Variants in CYB5R4 observed in about 807,000 individuals in gnomAD.
CYB5R4 encodes cytochrome b5 reductase 4.
In CYB5R4, 55 loss-of-function variants were observed where a neutral mutation model predicts 70.2. The observed-to-expected ratio is 0.78, with a 90% CI of 0.63 to 0.98. CYB5R4 has a LOEUF of 0.98. Ranked by LOEUF, CYB5R4 falls within the 50% of genes least tolerant of loss-of-function variation. The probability of loss-of-function intolerance (pLI) is 0.00; values close to 1 mark genes in which losing one functional copy is unlikely to be tolerated. For synonymous variants in CYB5R4, 197 were observed against 199.5 expected, an observed-to-expected ratio of 0.99 and a Z score of 0.11; for missense variants, 562 against 612.6, an observed-to-expected ratio of 0.92 and a Z score of 0.87.
At chr6:83,956,243 ACATGTGCCCAAGGTGGTCGGGG>A (rs1304340650) in intron 15 of CYB5R4, among the ~76,000 whole-genome samples, 1 of 152,164 alleles carries the variant, frequency 6.6e-6, no homozygotes, top group East Asian at 1.9e-4. Context: ...GGTCCTGAGA[ACATGTGCCCAAGGTGGTCGGGG>A]CATAGCTTGG....
intron 2 of CYB5R4, among the ~76,000 whole-genome samples, chr6:83,884,931 A>G (rs2099460013): frequency 6.6e-6 from 1 of 152,142 alleles, no homozygotes; most frequent in Non-Finnish European, 1.5e-5. Context: ...TAATCTTATC[A>G]CGGAAATAAC....
At chr6:83,893,462 T>C in intron 2 of CYB5R4, 60 bp from the exon 3 acceptor site, 1 of 960,368 alleles carries the variant, frequency 1.0e-6, no homozygotes, top group East Asian at 2.5e-5. Context: ...CTTATATTTA[T>C]AAGTTTTACA....
chr6:83,879,159 C>T (rs943251519), intron 2 of CYB5R4, among the ~76,000 whole-genome samples: 6 of 151,496 alleles, frequency 4.0e-5, no homozygotes, highest in Non-Finnish European at 8.8e-5. Context: ...GGGCAGATAA[C>T]TCCTGCATCG....
chr6:83,947,940 A>T (rs1356903599), intron 14 of CYB5R4, among the ~76,000 whole-genome samples: 4 of 152,236 alleles, frequency 2.6e-5, no homozygotes, highest in Non-Finnish European at 5.9e-5. Flanking sequence ...AATTAGTTCA[A>T]CCCTTGTGGA....
At chr6:83,906,203 C>T (rs1280195043) in intron 3 of CYB5R4, among the ~76,000 whole-genome samples, 1 of 152,152 alleles carries the variant, frequency 6.6e-6, no homozygotes, top group Non-Finnish European at 1.5e-5. Flanking sequence ...ATGAACGTAC[C>T]AGCTGTTCTT....
At chr6:83,920,607 A>C (rs927125786) in intron 7 of CYB5R4, among the ~76,000 whole-genome samples, 2 of 152,066 alleles carry the variant, frequency 1.3e-5, no homozygotes, top group Non-Finnish European at 2.9e-5. Flanking sequence ...ACATCTAAAA[A>C]TATGTTAGTG....
intron 3 of CYB5R4, among the ~76,000 whole-genome samples, chr6:83,900,646 T>C (rs1182080135): frequency 1.3e-5 from 2 of 152,222 alleles, no homozygotes; most frequent in Non-Finnish European, 2.9e-5. Context: ...TGAATCTGGG[T>C]GCTCCTGTAT....
In CYB5R4 at chr6:83,935,516, A is replaced by C. The variant is rs1006793079; in HGVS notation, c.956-708A>C. On this transcript the variant is annotated intron_variant, in intron 11 of 15. Coordinates refer to ENST00000369681, the MANE Select transcript of CYB5R4 (RefSeq NM_016230.4). ...TCTCCAGTTATTGCCAATGCATTTT[A>C]ATTTATATATGTATTTTGTATACAT... Among the ~76,000 whole-genome samples the C allele has an allele frequency of 3.3e-5, 5 of 152,138 alleles. No homozygotes were observed. The South Asian group carries it at 8.3e-4, about 25-fold the overall frequency.
chr6:83,929,862 T>TA (rs545931483), intron 10 of CYB5R4, among the ~76,000 whole-genome samples: 9 of 150,132 alleles, frequency 6.0e-5, no homozygotes, highest in African/African-American at 1.5e-4. Context: ...AAACAAGATT[T>TA]AAAAAAAAAA....
intron 1 of CYB5R4, among the ~76,000 whole-genome samples, chr6:83,860,188 C>T (rs1391602750): frequency 6.6e-6 from 1 of 152,106 alleles, no homozygotes; most frequent in African/African-American, 2.4e-5. Context: ...TATTAGCCGC[C>T]TTCCCTCAAC....
At chr6:83,918,347 A>G (rs1562838915) in intron 6 of CYB5R4, among the ~76,000 whole-genome samples, 1 of 152,096 alleles carries the variant, frequency 6.6e-6, no homozygotes, top group African/African-American at 2.4e-5. Context: ...CATTAATGGT[A>G]GAAAACTTAG....
Position 83,936,273 on chromosome 6 carries a change from A to G in CYB5R4, c.1005A>G (p.Ser335=). 6.2e-7 allele frequency: 1 copy of G among 1,610,518 alleles called. No homozygotes were observed. Among genetic ancestry groups the G allele is most frequent in the South Asian group, 1.1e-5 (1 of 90,740 alleles). The part of the protein sequence containing the change: ...PYTPVSGSLL[S]EFKEPVLPNN... ...CACCTGTATCTGGTTCCTTACTCTC[A>G]GAGTTCAAGGAACCAGTTCTTCCCA... Residue 335 remains serine, a synonymous_variant, in exon 12 of 16, where the codon TCA becomes TCG. Coordinates refer to ENST00000369681, the MANE Select transcript of CYB5R4 (RefSeq NM_016230.4).
chr6:83,912,486 A>G (rs1447610073), intron 4 of CYB5R4, among the ~76,000 whole-genome samples: 1 of 152,216 alleles, frequency 6.6e-6, no homozygotes, highest in Non-Finnish European at 1.5e-5. Context: ...TTGGGTCATA[A>G]TTAAAGATCC....
At chr6:83,932,162 A>C (rs1443656255) in intron 10 of CYB5R4, among the ~76,000 whole-genome samples, 1 of 152,144 alleles carries the variant, frequency 6.6e-6, no homozygotes, top group East Asian at 1.9e-4. Context: ...ATGCAATTGA[A>C]AGATGAAAAC....
intron 5 of CYB5R4, among the ~76,000 whole-genome samples, chr6:83,915,106 C>G (rs3778189): frequency 0.086 from 13,103 of 152,084 alleles, 936 homozygotes; most frequent in East Asian, 0.26. Context: ...GTTTATTAAT[C>G]TACAATTTTT....
At chr6:83,885,041 ATTGATATTTATCTT>A (rs2099460040) in intron 2 of CYB5R4, among the ~76,000 whole-genome samples, 1 of 152,176 alleles carries the variant, frequency 6.6e-6, no homozygotes, top group Non-Finnish European at 1.5e-5. Context: ...GGACATATCT[ATTGATATTTATCTT>A]TCAAAAATTA....
chr6:83,928,983 C>T (rs2099467742), intron 10 of CYB5R4, among the ~76,000 whole-genome samples: 1 of 152,008 alleles, frequency 6.6e-6, no homozygotes, highest in Admixed American at 6.6e-5. Flanking sequence ...TCCTGAAACA[C>T]CATTAAAAAA....
At chr6:83,889,048 A>G (rs1352904696) in intron 2 of CYB5R4, among the ~76,000 whole-genome samples, 1 of 152,218 alleles carries the variant, frequency 6.6e-6, no homozygotes, top group African/African-American at 2.4e-5. Flanking sequence ...GAAGGCTGAG[A>G]GAGGTGAGGA....
At chr6:83,872,094 G>A (rs1411215479) in intron 2 of CYB5R4, among the ~76,000 whole-genome samples, 4 of 152,094 alleles carry the variant, frequency 2.6e-5, no homozygotes, top group Non-Finnish European at 4.4e-5. Context: ...ATAGTCTGCA[G>A]TAACTCTCAT....
Sources: allele counts gnomAD v4.1 joint callset (sites outside exome capture counted in the v4.1 genomes callset), GRCh38; gene constraint gnomAD v4.1.1; transcripts MANE v1.5; gene names NCBI Gene and HGNC (gene_info 2026-07-23, HGNC 2026-07-21).